The following PDZD8 variants were observed in gnomAD, a reference collection of about 807,000 sequenced individuals.
The protein encoded by PDZD8 is PDZ domain containing 8, also known as PDZ domain-containing protein 8.
A neutral mutation model predicts 85.8 loss-of-function variants in PDZD8; 14 were observed. The observed-to-expected ratio is 0.16, with a 90% CI of 0.11 to 0.26. The LOEUF (loss-of-function observed/expected upper bound fraction) is 0.26, where lower values mean the gene tolerates loss of function less well. Among genes scored for constraint, PDZD8 ranks in the 10% least tolerant of loss-of-function variants. PDZD8 has a pLI of 1.00. For missense variants in PDZD8, 1,197 were observed against 1,424.3 expected, an observed-to-expected ratio of 0.84 and a Z score of 2.57; for synonymous variants, 592 against 568.6, an observed-to-expected ratio of 1.04 and a Z score of -0.59.
At chr10:117,363,671 CGTTTTT>C (rs539081662) in intron 1 of PDZD8, among the ~76,000 whole-genome samples, 194 of 152,154 alleles carry the variant, frequency 1.3e-3, no homozygotes, top group Non-Finnish European at 2.4e-3. Context: ...GCTATTCAAG[CGTTTTT>C]GTTTTTAAGT....
intron 2 of PDZD8, among the ~76,000 whole-genome samples, chr10:117,330,644 A>G (rs1470004012): frequency 6.6e-6 from 1 of 152,186 alleles, no homozygotes; most frequent in African/African-American, 2.4e-5. Context: ...CTATTAAAAC[A>G]TATCTATGAG....
chr10:117,350,030 T>C (rs1309293972), intron 1 of PDZD8, among the ~76,000 whole-genome samples: 2 of 152,144 alleles, frequency 1.3e-5, no homozygotes, highest in Non-Finnish European at 2.9e-5. Context: ...CCACTATTAT[T>C]AGTATAGCTA....
At chr10:117,367,231 T>G (rs1273191631) in intron 1 of PDZD8, among the ~76,000 whole-genome samples, 1 of 151,414 alleles carries the variant, frequency 6.6e-6, no homozygotes, top group Non-Finnish European at 1.5e-5. Context: ...GCCAACATGG[T>G]GAAACCCTGT....
intron 1 of PDZD8, among the ~76,000 whole-genome samples, chr10:117,351,837 G>A (rs758112279): frequency 8.5e-5 from 13 of 152,050 alleles, no homozygotes; most frequent in Non-Finnish European, 1.8e-4. Context: ...ACAGATGCAG[G>A]CTACCACACC....
intron 2 of PDZD8, among the ~76,000 whole-genome samples, chr10:117,331,993 T>C (rs1013545913): frequency 6.6e-6 from 1 of 152,200 alleles, no homozygotes; most frequent in African/African-American, 2.4e-5. Flanking sequence ...GAGAAATGTA[T>C]AAAAACTAAC....
chr10:117,296,015 G>C (rs924612346), intron 3 of PDZD8, among the ~76,000 whole-genome samples: 1 of 151,604 alleles, frequency 6.6e-6, no homozygotes, highest in Non-Finnish European at 1.5e-5. Flanking sequence ...TGTAAAGATC[G>C]GAAGGGAGGA....
chr10:117,365,200 C>T (rs551155179), intron 1 of PDZD8, among the ~76,000 whole-genome samples: 4 of 151,844 alleles, frequency 2.6e-5, no homozygotes, highest in South Asian at 2.1e-4. Flanking sequence ...GTTTATGGTG[C>T]CATTATTTAC....
intron 1 of PDZD8, among the ~76,000 whole-genome samples, chr10:117,345,482 G>A (rs2255385): frequency 2.0e-5 from 3 of 152,024 alleles, no homozygotes; most frequent in African/African-American, 7.3e-5. Context: ...TAACACTAGT[G>A]GGGGGGTAAG....
intron 3 of PDZD8, among the ~76,000 whole-genome samples, chr10:117,299,436 C>T (rs1470000618): frequency 6.6e-6 from 1 of 152,142 alleles, no homozygotes; most frequent in Non-Finnish European, 1.5e-5. Flanking sequence ...TCTCTTCTTC[C>T]TCAGGAACAC....
chr10:117,282,405 G>A lies in PDZD8; in HGVS notation c.*863C>T, dbSNP rs1373131050. The A allele has an allele frequency of 2.0e-5, 3 of 152,056 alleles. No homozygotes were observed. Among genetic ancestry groups the A allele is most frequent in the Non-Finnish European group, 4.4e-5 (3 of 68,000 alleles). 9.4% of individuals were successfully genotyped at this position (152,056 alleles called of 1,614,324 possible). A position where few individuals can be genotyped will look rare whatever the true frequency, so the allele number is the denominator to read the frequency against. On this transcript the variant is annotated 3_prime_UTR_variant, in exon 5 of 5. Coordinates refer to ENST00000334464, the MANE Select transcript of PDZD8 (RefSeq NM_173791.5). ...ATAAAATTTAAATTTCCATTTAAAA[G>A]GAAAGCATCAATATTTTAAAAGATT...
At chr10:117,342,957 G>A (rs1486406635) in intron 1 of PDZD8, among the ~76,000 whole-genome samples, 2 of 151,954 alleles carry the variant, frequency 1.3e-5, no homozygotes, top group Admixed American at 6.5e-5. Flanking sequence ...CCCCTCTTTC[G>A]CACTCGGCCA....
At chr10:117,333,536 A>T (rs1169507026) in intron 2 of PDZD8, among the ~76,000 whole-genome samples, 4 of 152,246 alleles carry the variant, frequency 2.6e-5, no homozygotes, top group Non-Finnish European at 4.4e-5. Flanking sequence ...CTTCAGGTGG[A>T]TTTAAGTTAT....
At chr10:117,318,823 T>C (rs1340780001) in intron 3 of PDZD8, 49 bp downstream of exon 3, 1 of 1,344,750 alleles carries the variant, frequency 7.4e-7, no homozygotes, top group Non-Finnish European at 1.0e-6. Context: ...AATGCATGCT[T>C]ATAAAATAGA....
chr10:117,337,861 A>G (rs901453178), intron 2 of PDZD8, among the ~76,000 whole-genome samples: 6 of 152,196 alleles, frequency 3.9e-5, no homozygotes, highest in African/African-American at 1.4e-4. Context: ...AGTGCTTTCT[A>G]TAACTCAAAA....
At chr10:117,304,233 T>C (rs1404581470) in intron 3 of PDZD8, among the ~76,000 whole-genome samples, 2 of 152,166 alleles carry the variant, frequency 1.3e-5, no homozygotes, top group African/African-American at 4.8e-5. Flanking sequence ...TCAAAGGAGA[T>C]CATTTTGGAG....
chr10:117,301,421 C>G (rs1843845646), intron 3 of PDZD8, among the ~76,000 whole-genome samples: 1 of 152,138 alleles, frequency 6.6e-6, no homozygotes, highest in South Asian at 2.1e-4. Context: ...TCCAAATTTT[C>G]AGTTACAATT....
chr10:117,368,705 C>T (rs12569728), intron 1 of PDZD8, among the ~76,000 whole-genome samples: 1 of 152,078 alleles, frequency 6.6e-6, no homozygotes, highest in East Asian at 1.9e-4. Flanking sequence ...ACCCATTCCA[C>T]TAAAGCAAAC....
At position 117,374,110 on chromosome 10, in the gene PDZD8, C is replaced by G. The variant is rs1307204114; in HGVS notation, c.872+246G>C. Among the ~76,000 whole-genome samples, 2 of 152,190 alleles carry G rather than the reference C, an allele frequency of 1.3e-5. No homozygotes were observed. Among genetic ancestry groups the G allele is most frequent in the Non-Finnish European group, 2.9e-5 (2 of 68,040 alleles). ...ATGCTGCTTATAAAAGGAGACGATT[C>G]TGCCCGCGTTGACAGCACCCTGAGT... On this transcript the variant is annotated intron_variant, in intron 1 of 4. Coordinates refer to ENST00000334464, the MANE Select transcript of PDZD8 (RefSeq NM_173791.5). The surrounding 1 kb of genome is among the most constrained non-coding windows in gnomAD (Gnocchi z 7.8).
chr10:117,325,600 G>T (rs2532787), intron 2 of PDZD8, among the ~76,000 whole-genome samples: 1 of 151,066 alleles, frequency 6.6e-6, no homozygotes, highest in East Asian at 2.0e-4. Flanking sequence ...ATGGGGTTCC[G>T]CCATATTGGC....
Sources: gnomAD v4.1 joint callset for allele counts (sites outside exome capture counted in the v4.1 genomes callset) on GRCh38, gnomAD v4.1.1 for gene constraint, Gnocchi (gnomAD v3.1) non-coding constraint, MANE v1.5 for transcripts, NCBI Gene and HGNC (gene_info 2026-07-23, HGNC 2026-07-21) for gene names.